Variants in DCHS2 observed in about 807,000 individuals in gnomAD.
The protein encoded by DCHS2 is protocadherin-23.
A neutral mutation model predicts 182.4 loss-of-function variants in DCHS2; 142 were observed. The observed-to-expected ratio is 0.78, with a 90% CI of 0.68 to 0.89. DCHS2 has a LOEUF of 0.89. Among genes scored for constraint, DCHS2 ranks in the 40% least tolerant of loss-of-function variants. The pLI, the probability that DCHS2 is intolerant of heterozygous loss-of-function variation, is 0.00. For synonymous variants in DCHS2, 1,740 were observed against 1,663.3 expected, an observed-to-expected ratio of 1.05 and a Z score of -1.12; for missense variants, 4,319 against 4,198.6, an observed-to-expected ratio of 1.03 and a Z score of -0.79.
Position 154,490,545 on chromosome 4 carries a change from C to A in DCHS2, c.811G>T (p.Gly271Cys), listed in dbSNP as rs1046254484. 1.3e-6 allele frequency: 2 copies of A among 1,540,050 alleles called. No homozygotes were observed. ...AHRLQIEAWDGGRPRRTGLLS... is the reference protein window; with the variant it reads ...AHRLQIEAWDCGRPRRTGLLS... ...AGGCCGGTGCGCCGGGGTCGGCCGC[C>A]GTCCCATGCCTCGATCTGCAGCCGG... Residue 271 changes from glycine to cysteine, a missense_variant, in exon 1 of 20, where the codon GGC becomes TGC. Coordinates refer to ENST00000357232, the MANE Select transcript of DCHS2 (RefSeq NM_001358235.2).
intron 13 of DCHS2, among the ~76,000 whole-genome samples, chr4:154,271,310 C>G (rs555846648): frequency 6.6e-6 from 1 of 152,216 alleles, no homozygotes; most frequent in South Asian, 2.1e-4. Flanking sequence ...TTATTTTAGG[C>G]TTTACAAGTC....
rs1480735231 is a variant in DCHS2, at chr4:154,236,563, G to A, written c.8089C>T (p.His2697Tyr). The change falls in exon 20 of 20, where the codon CAT (histidine) becomes TAT (tyrosine). Residue 2697 changes from histidine to tyrosine, a missense_variant. By Grantham distance (83) the His-to-Tyr change is moderately conservative. Transcript: ENST00000357232. ...VSANDRDTGS[H>Y]AEIIYNIISG... ...ATGATGTTGTAGATGATTTCTGCAT[G>A]TGACCCTGTGTCACGGTCATTTGCT... 1 of 1,614,026 alleles carries A rather than the reference G, an allele frequency of 6.2e-7. No individual in the cohort carries two copies. Among genetic ancestry groups the A allele is most frequent in the East Asian group, 2.2e-5 (1 of 44,864 alleles).
chr4:154,440,432 C>A (rs901373952), intron 1 of DCHS2, among the ~76,000 whole-genome samples: 3 of 151,442 alleles, frequency 2.0e-5, no homozygotes, highest in African/African-American at 7.3e-5. Flanking sequence ...CGATTCTCAA[C>A]CTTGTTTTGA....
chr4:154,455,621 G>A (rs545610388), intron 1 of DCHS2, among the ~76,000 whole-genome samples: 3 of 152,304 alleles, frequency 2.0e-5, no homozygotes, highest in East Asian at 3.9e-4. Flanking sequence ...TTGCCATGTG[G>A]CAGACTGGGG....
At chr4:154,324,654 C>T (rs374402771) in intron 7 of DCHS2, among the ~76,000 whole-genome samples, 1 of 152,314 alleles carries the variant, frequency 6.6e-6, no homozygotes, top group South Asian at 2.1e-4. Context: ...TGAGTAGAAG[C>T]TCCCCTCCAT....
chr4:154,319,959 G>T (rs1003515251), intron 9 of DCHS2, among the ~76,000 whole-genome samples: 8 of 147,816 alleles, frequency 5.4e-5, no homozygotes, highest in Admixed American at 4.0e-4. Flanking sequence ...GCAGATGAAT[G>T]GATAAAGAAA....
intron 16 of DCHS2, among the ~76,000 whole-genome samples, chr4:154,244,264 G>C (rs1484244056): frequency 6.6e-6 from 1 of 152,114 alleles, no homozygotes; most frequent in Non-Finnish European, 1.5e-5. Context: ...TTTCCCCAAG[G>C]TTATACATAC....
intron 13 of DCHS2, among the ~76,000 whole-genome samples, chr4:154,284,740 G>A (rs1734312552): frequency 6.6e-6 from 1 of 152,150 alleles, no homozygotes; most frequent in Admixed American, 6.5e-5. Context: ...CTCAGCAGTT[G>A]GAACCTGAAT....
At chr4:154,350,860 A>G (rs1315121920) in intron 3 of DCHS2, among the ~76,000 whole-genome samples, 1 of 152,210 alleles carries the variant, frequency 6.6e-6, no homozygotes, top group Non-Finnish European at 1.5e-5. Flanking sequence ...ACCAACAGCA[A>G]TAGGTTAGTG....
At chr4:154,379,145 AAAGAG>A (rs1300898818) in intron 1 of DCHS2, among the ~76,000 whole-genome samples, 10 of 152,224 alleles carry the variant, frequency 6.6e-5, no homozygotes, top group Non-Finnish European at 1.5e-4. Context: ...CATCACAGAA[AAAGAG>A]AAGAGAAAAC....
At chr4:154,376,144 C>T (rs561262800) in intron 2 of DCHS2, among the ~76,000 whole-genome samples, 210 of 152,124 alleles carry the variant, frequency 1.4e-3, no homozygotes, top group African/African-American at 4.9e-3. Context: ...GTTCCGGTAA[C>T]GTTTTCTCAT....
chr4:154,398,749 A>G (rs530203073), intron 1 of DCHS2, among the ~76,000 whole-genome samples: 1 of 152,308 alleles, frequency 6.6e-6, no homozygotes, highest in East Asian at 1.9e-4. Flanking sequence ...CCTAACCAAT[A>G]AAGTCACATT....
intron 3 of DCHS2, among the ~76,000 whole-genome samples, chr4:154,358,933 A>G (rs1399826181): frequency 6.6e-6 from 1 of 151,574 alleles, no homozygotes; most frequent in African/African-American, 2.4e-5. Context: ...ATATGTGTGT[A>G]TCATAATTCA....
chr4:154,489,909 C>G lies in DCHS2; in HGVS notation c.1447G>C (p.Gly483Arg), dbSNP rs1013856225. Residue 483 changes from glycine to arginine, a missense_variant, in exon 1 of 20, where the codon GGC becomes CGC. Gly to Arg is a moderately radical substitution (Grantham distance 125). Transcript: ENST00000357232. ...AGGAAAAATACCCCTGGGGGGCCGC[C>G]GGGTAGCAACGCGAAGTCTCCCTCT... is the stretch of plus-strand genomic sequence containing the variant. ...GGEGDFALLP[G>R]GPPGVFFLCV... 2 of 1,538,884 alleles carry G rather than the reference C, an allele frequency of 1.3e-6. No individual in the cohort carries two copies. The highest frequency in any genetic ancestry group is 1.2e-5 in the South Asian group (1 of 82,870).
chr4:154,384,574 T>C (rs1365117195), intron 1 of DCHS2: 2 of 1,491,054 alleles, frequency 1.3e-6, no homozygotes, highest in Non-Finnish European at 1.8e-6. Flanking sequence ...AGTACTACCT[T>C]ATATGGCAAC....
At chr4:154,423,804 G>T (rs2110919689) in intron 1 of DCHS2, among the ~76,000 whole-genome samples, 1 of 152,248 alleles carries the variant, frequency 6.6e-6, no homozygotes, top group South Asian at 2.1e-4. Context: ...GCATTAAAAT[G>T]CATATAAACC....
In DCHS2 at chr4:154,490,417, G is replaced by T; in HGVS notation, c.939C>A (p.Ala313=). The T allele has an allele frequency of 3.3e-6, 5 of 1,533,572 alleles. No individual in the cohort carries two copies. The highest frequency in any genetic ancestry group is 1.4e-5 in the African/African-American group (1 of 72,820). The allele number at this position is 1,533,572 out of a possible 1,614,324, so 95.0% of individuals were successfully genotyped here. Residue 313 remains alanine (A), a synonymous_variant, in exon 1 of 20, where the codon GCC becomes GCA. Transcript: ENST00000357232. ...CGGTGGCGCGCACGCGACAGACCTC[G>T]GCGCCCGGCTGGGCGTCCTCGCGCA... ...AAVREDAQPG[A]EVCRVRATDR... is the part of the protein sequence containing the mutation.
chr4:154,290,705 C>G (rs1023911090), intron 13 of DCHS2, among the ~76,000 whole-genome samples: 1 of 151,910 alleles, frequency 6.6e-6, no homozygotes, highest in Non-Finnish European at 1.5e-5. Flanking sequence ...GTCTCTTCAA[C>G]AAATGGTGCT....
intron 10 of DCHS2, among the ~76,000 whole-genome samples, chr4:154,309,009 CA>C (rs1735568209): frequency 1.3e-5 from 2 of 152,192 alleles, no homozygotes; most frequent in African/African-American, 2.4e-5. Flanking sequence ...CCACAGTCCA[CA>C]AAGTCCCATA....
Sources: allele counts gnomAD v4.1 joint callset (sites outside exome capture counted in the v4.1 genomes callset), GRCh38; gene constraint gnomAD v4.1.1; transcripts MANE v1.5; gene names NCBI Gene and HGNC (gene_info 2026-07-23, HGNC 2026-07-21).